Variants in GALNT9 observed in about 807,000 individuals in gnomAD.
GALNT9 encodes the protein polypeptide N-acetylgalactosaminyltransferase 9, also known as GalNAc transferase 9.
Under a neutral mutation model 63.1 loss-of-function variants are expected in GALNT9, and 47 were observed. The observed-to-expected ratio is 0.75, with a 90% confidence interval of 0.59 to 0.95. The LOEUF is 0.95. Among genes scored for constraint, GALNT9 ranks in the 40% least tolerant of loss-of-function variants. The pLI, the probability that GALNT9 is intolerant of heterozygous loss-of-function variation, is 0.00. For missense variants in GALNT9, 829 were observed against 874.8 expected (o/e 0.95, Z 0.66); for synonymous variants, 396 against 365.7 (o/e 1.08, Z -0.94).
Position 132,252,477 on chromosome 12 carries a change from G to A in GALNT9, c.960-4450C>T, listed in dbSNP as rs1273385349. On this transcript the variant is annotated intron_variant, in intron 5 of 10. Transcript: ENST00000328957. This position sits in a 1 kb window ranked among gnomAD's most constrained non-coding sequence, Gnocchi z 5.2. ...GTAGGGTCCAGCCCTACAGGGCTTAGCGGGTGTTCTCCCCGTGTGCAGAGA... is the reference window on the plus strand; with the variant it reads ...GTAGGGTCCAGCCCTACAGGGCTTAACGGGTGTTCTCCCCGTGTGCAGAGA... Among the ~76,000 whole-genome samples, 24 of 152,238 alleles carry A rather than the reference G, an allele frequency of 1.6e-4. No individual in the cohort carries two copies. Among genetic ancestry groups the A allele is most frequent in the Non-Finnish European group, 1.5e-4 (10 of 68,046 alleles).
chr12:132,284,723 T>C (rs2135560975), intron 2 of GALNT9: 1 of 152,390 alleles, frequency 6.6e-6, no homozygotes, highest in South Asian at 2.1e-4. Flanking sequence ...TGGGCACGCC[T>C]CACTCGCACT....
At chr12:132,251,114 G>A (rs1407214951) in intron 5 of GALNT9, among the ~76,000 whole-genome samples, 8 of 152,154 alleles carry the variant, frequency 5.3e-5, no homozygotes, top group East Asian at 3.8e-4. Context: ...AGCGGTGACC[G>A]GCACACGGTA....
rs145624216 is a variant in GALNT9, at chr12:132,238,227, G to A, written c.1077+9683C>T. On this transcript the variant is annotated intron_variant, in intron 6 of 10. Coordinates refer to ENST00000328957, the MANE Select transcript of GALNT9 (RefSeq NM_001122636.2). This position sits in a 1 kb window ranked among gnomAD's most constrained non-coding sequence, Gnocchi z 6.5. ...CCAGGAGAGAGGGGAGAGAGGGGGC[G>A]TCATCCCAGAGCCCATGAGGGACAC... is the stretch of plus-strand genomic sequence containing the variant. 3.2e-4 allele frequency among the ~76,000 whole-genome samples: 49 copies of A among 152,146 alleles called. No homozygotes were observed. The highest frequency in any genetic ancestry group is 1.1e-3 in the African/African-American group (45 of 41,500).
Position 132,316,952 on chromosome 12 carries a change from C to A in GALNT9, c.238+12014G>T, listed in dbSNP as rs1868539024. On this transcript the variant is annotated intron_variant, in intron 1 of 10. Transcript: ENST00000328957. This position sits in a 1 kb window ranked among gnomAD's most constrained non-coding sequence, Gnocchi z 4.3. The stretch of plus-strand genomic sequence containing the variant: ...CATCCTACACCCCACAGAGCACAGC[C>A]TGCACCCTACACCCCACGGAGCATG... Among the ~76,000 whole-genome samples, 1 of 150,688 alleles carries A rather than the reference C, an allele frequency of 6.6e-6. No homozygotes were observed. The highest frequency in any genetic ancestry group is 2.4e-5 in the African/African-American group (1 of 40,826).
At chr12:132,225,858 CTG>C (rs1428831854) in intron 6 of GALNT9, among the ~76,000 whole-genome samples, 1 of 126,724 alleles carries the variant, frequency 7.9e-6, no homozygotes, top group African/African-American at 2.9e-5. Context: ...ACCCCACACA[CTG>C]TGTATACACA....
In GALNT9 at chr12:132,329,129, G is replaced by A. The variant is rs897397652; in HGVS notation, c.75C>T (p.Ser25=). Residue 25 remains serine (S), a synonymous_variant, in exon 1 of 11, where the codon TCC becomes TCT. Coordinates refer to ENST00000328957, the MANE Select transcript of GALNT9 (RefSeq NM_001122636.2). ...ILVFVGIVLF[S]VYCRLQGRSQ... is the part of the protein sequence containing the mutation. Reference sequence around the variant, plus strand: ...AGCGGCCCTGCAGGCGGCAGTACACGGAGAACAGGACGATGCCCACGAACA... The same window carrying A: ...AGCGGCCCTGCAGGCGGCAGTACACAGAGAACAGGACGATGCCCACGAACA... 4 of 1,549,578 alleles carry A rather than the reference G, an allele frequency of 2.6e-6. No individual in the cohort carries two copies. The highest frequency in any genetic ancestry group is 2.4e-5 in the East Asian group (1 of 40,902).
chr12:132,210,167 C>G (rs1296148056), intron 6 of GALNT9, among the ~76,000 whole-genome samples: 4 of 152,150 alleles, frequency 2.6e-5, no homozygotes, highest in Non-Finnish European at 4.4e-5. Context: ...TGGGGCCCGT[C>G]GTCTGCAGGC....
At chr12:132,258,386 C>T (rs577434141) in intron 4 of GALNT9, among the ~76,000 whole-genome samples, 12 of 152,348 alleles carry the variant, frequency 7.9e-5, no homozygotes, top group South Asian at 4.1e-4. Flanking sequence ...AAAAACAATC[C>T]GTGCCACGGG....
At chr12:132,303,587 G>A (rs71277229) in intron 1 of GALNT9, among the ~76,000 whole-genome samples, 42 of 46,552 alleles carry the variant, frequency 9.0e-4, no homozygotes, top group Non-Finnish European at 1.1e-3. Flanking sequence ...GCACACCCTC[G>A]CCCGGGCACA....
In GALNT9 at chr12:132,236,254, C is replaced by T. The variant is rs1458740674; in HGVS notation, c.1077+11656G>A. Among the ~76,000 whole-genome samples the T allele has an allele frequency of 6.6e-6, 1 of 151,890 alleles. No homozygotes were observed. Among genetic ancestry groups the T allele is most frequent in the Admixed American group, 6.5e-5 (1 of 15,280 alleles). On this transcript the variant is annotated intron_variant, in intron 6 of 10. Transcript: ENST00000328957. The surrounding 1 kb of genome is among the most constrained non-coding windows in gnomAD (Gnocchi z 5.6). ...GTGAATAAATCAGCAATGACAGCCC[C>T]GACAGGCGGCTGGCGGGGAGCGGGT...
rs1302484070 is a variant in GALNT9 at position 132,257,826 on chromosome 12, G to A, written c.822C>T (p.Ile274=). 1.2e-5 allele frequency: 18 copies of A among 1,550,022 alleles called. No homozygotes were observed. Among genetic ancestry groups the A allele is most frequent in the African/African-American group, 4.1e-5 (3 of 73,024 alleles). Residue 274 remains isoleucine (I), a synonymous_variant, in exon 5 of 11, where the codon ATC becomes ATT. Transcript: ENST00000328957. ...EDRRRIVLPA[I]DNIKYSTFEV... ...CAAACGTGCTGTACTTGATGTTGTCGATGGCTGGCAGCACGATGCGACGCC... is the reference window on the plus strand; with the variant it reads ...CAAACGTGCTGTACTTGATGTTGTCAATGGCTGGCAGCACGATGCGACGCC...
At chr12:132,199,889 C>A (rs771663631) in intron 8 of GALNT9, among the ~76,000 whole-genome samples, 3 of 152,186 alleles carry the variant, frequency 2.0e-5, no homozygotes, top group Non-Finnish European at 2.9e-5. Context: ...ACCGCGTCTC[C>A]AGGCTGCTGG....
chr12:132,235,430 G>T (rs1316621534), intron 6 of GALNT9, among the ~76,000 whole-genome samples: 2 of 152,170 alleles, frequency 1.3e-5, no homozygotes, highest in African/African-American at 4.8e-5. Context: ...GGAGAGAGCA[G>T]AGGGAGAGAG....
At chr12:132,209,281 G>A (rs184521836) in intron 6 of GALNT9, among the ~76,000 whole-genome samples, 1 of 152,082 alleles carries the variant, frequency 6.6e-6, no homozygotes, top group Non-Finnish European at 1.5e-5. Flanking sequence ...AATCCCAGCA[G>A]TTTGGGAGGC....
intron 2 of GALNT9, chr12:132,275,429 T>TGG (rs1203988625): frequency 6.6e-6 from 1 of 152,192 alleles, no homozygotes; most frequent in Non-Finnish European, 1.5e-5. Context: ...TTGCAGACAG[T>TGG]GGAGGCTCAG....
intron 4 of GALNT9, among the ~76,000 whole-genome samples, chr12:132,260,346 C>T (rs894075239): frequency 6.6e-6 from 1 of 152,168 alleles, no homozygotes; most frequent in Non-Finnish European, 1.5e-5. Context: ...GCCTCCAGAA[C>T]GGTGAGGAGG....
At chr12:132,259,454 C>T (rs559362321) in intron 4 of GALNT9, among the ~76,000 whole-genome samples, 35 of 152,238 alleles carry the variant, frequency 2.3e-4, no homozygotes, top group African/African-American at 6.5e-4. Flanking sequence ...TGATAAACAT[C>T]GAGGGAAAGG....
At chr12:132,241,049 C>G (rs2136900556) in intron 6 of GALNT9, among the ~76,000 whole-genome samples, 21 of 108,278 alleles carry the variant, frequency 1.9e-4, no homozygotes, top group Admixed American at 2.8e-4. Context: ...TCCAGGGGCC[C>G]TCCCTATACC....
intron 1 of GALNT9, among the ~76,000 whole-genome samples, chr12:132,324,967 G>T (rs1335410025): frequency 1.3e-5 from 2 of 152,252 alleles, no homozygotes; most frequent in Non-Finnish European, 2.9e-5. Context: ...ACACACTGGG[G>T]CTTCCCAAAG....
Sources: allele counts gnomAD v4.1 joint callset (sites outside exome capture counted in the v4.1 genomes callset), GRCh38; gene constraint gnomAD v4.1.1; non-coding constraint Gnocchi (gnomAD v3.1); transcripts MANE v1.5; gene names NCBI Gene and HGNC (gene_info 2026-07-23, HGNC 2026-07-21).